Variants in ANO2 observed in about 807,000 individuals in gnomAD.
ANO2 encodes anoctamin 2.
In ANO2, 101 loss-of-function variants were observed where a neutral mutation model predicts 124.2. The ratio of observed to expected loss-of-function variants is 0.81; its 90% CI spans 0.69 to 0.96. ANO2 has a LOEUF of 0.96. Among genes scored for constraint, ANO2 ranks in the 40% least tolerant of loss-of-function variants. The pLI, the probability that ANO2 is intolerant of heterozygous loss-of-function variation, is 0.00. For synonymous variants in ANO2, 486 were observed against 482.5 expected, an observed-to-expected ratio of 1.01 and a Z score of -0.09; for missense variants, 1,293 against 1,274.5, an observed-to-expected ratio of 1.01 and a Z score of -0.22.
In ANO2 at chr12:5,906,363, AGAAAAAG is replaced by A. The variant is rs971290627; in HGVS notation, c.534+14670_534+14676del. Among the ~76,000 whole-genome samples the A allele has an allele frequency of 2.4e-4, 36 of 149,982 alleles. 1 individual carries two copies. Among genetic ancestry groups the A allele is most frequent in the African/African-American group, 8.7e-4 (35 of 40,200 alleles). ...ACACATTGTTAAAAAAAAAAAAAAA[AGAAAAAG>A]AAAAAAAGAGGCCATCCATGGTGAC... On this transcript the variant is annotated intron_variant, in intron 3 of 24. Coordinates refer to ENST00000682330, the MANE Select transcript of ANO2 (RefSeq NM_001364791.2).
rs1955359359 is a variant in ANO2 at position 5,864,225 on chromosome 12, A to G, written c.535-10084T>C. Among the ~76,000 whole-genome samples, 4 of 152,234 alleles carry G rather than the reference A, an allele frequency of 2.6e-5. No individual in the cohort carries two copies. The South Asian group carries it at 8.3e-4, about 32-fold the overall frequency. ...CCAAGTGAGGATGAAGATAAAAGTG[A>G]ACATTTCTCTTGGGAGTTTATGATG... On this transcript the variant is annotated intron_variant, in intron 3 of 24. Transcript: ENST00000682330.
intron 20 of ANO2, 40 bp from the exon 21 acceptor site, chr12:5,578,558 G>A: frequency 2.5e-6 from 4 of 1,592,266 alleles, no homozygotes; most frequent in Non-Finnish European, 2.6e-6. Context: ...GCAGGAACAA[G>A]CAGGACTCAG....
intron 19 of ANO2, among the ~76,000 whole-genome samples, chr12:5,608,521 C>T (rs1373611117): frequency 6.6e-6 from 1 of 151,810 alleles, no homozygotes; most frequent in African/African-American, 2.4e-5. Flanking sequence ...TTTGCTCATT[C>T]GAGAGAAATT....
intron 15 of ANO2, among the ~76,000 whole-genome samples, chr12:5,643,116 C>G (rs2136950271): frequency 6.6e-6 from 1 of 151,962 alleles, no homozygotes; most frequent in South Asian, 2.1e-4. Flanking sequence ...CAATATAGCC[C>G]AGACCAGCAC....
At chr12:5,889,912 C>A (rs773854470) in intron 3 of ANO2, among the ~76,000 whole-genome samples, 2 of 152,242 alleles carry the variant, frequency 1.3e-5, no homozygotes, top group Admixed American at 6.5e-5. Context: ...AAGGCAGGCC[C>A]TTAAGGCTAA....
intron 14 of ANO2, among the ~76,000 whole-genome samples, chr12:5,708,201 CCTT>C (rs1949687396): frequency 1.3e-5 from 2 of 152,316 alleles, no homozygotes; most frequent in Middle Eastern, 3.4e-3. Context: ...ATCTACACCT[CCTT>C]CTTATCCTAG....
rs562817904 is a variant in ANO2 at position 5,824,448 on chromosome 12, T to C, written c.892+3321A>G. ...TAGGGCAGGGGCAAAATGCTACCAG[T>C]CTCTTTGCTAAAACATAACAAGAGT... is the stretch of plus-strand genomic sequence containing the variant. On this transcript the variant is annotated intron_variant, in intron 7 of 24. Coordinates refer to ENST00000682330, the MANE Select transcript of ANO2 (RefSeq NM_001364791.2). Among the ~76,000 whole-genome samples, 246 of 152,284 alleles carry C rather than the reference T, an allele frequency of 1.6e-3. 1 individual carries two copies. Among genetic ancestry groups the C allele is most frequent in the African/African-American group, 5.8e-3 (240 of 41,552 alleles).
At chr12:5,728,526 A>G (rs1010074736) in intron 14 of ANO2, among the ~76,000 whole-genome samples, 2 of 152,228 alleles carry the variant, frequency 1.3e-5, no homozygotes, top group Admixed American at 6.5e-5. Flanking sequence ...GATATACCAC[A>G]TTCATAGAAG....
rs1223531295 is a variant in ANO2 at position 5,769,516 on chromosome 12, C to A, written c.1056-18546G>T. On this transcript the variant is annotated intron_variant, in intron 10 of 24. Coordinates refer to ENST00000682330, the MANE Select transcript of ANO2 (RefSeq NM_001364791.2). This position sits in a 1 kb window ranked among gnomAD's most constrained non-coding sequence, Gnocchi z 4.0. The stretch of plus-strand genomic sequence containing the variant: ...GGAAAGTAAATTACAGCAAGAAAAA[C>A]AAAGCAGGCAGAAACCGAGTCACAG... Among the ~76,000 whole-genome samples the A allele has an allele frequency of 6.6e-6, 1 of 152,158 alleles. No individual in the cohort carries two copies. The highest frequency in any genetic ancestry group is 1.5e-5 in the Non-Finnish European group (1 of 68,034).
chr12:5,832,311 A>G, intron 5 of ANO2, 141 bp downstream of exon 5: 1 of 952,960 alleles, frequency 1.0e-6, no homozygotes, highest in Admixed American at 2.5e-5. Context: ...GGACAATGTC[A>G]CCATGAGAGC....
At chr12:5,912,850 C>T (rs775873738) in intron 3 of ANO2, among the ~76,000 whole-genome samples, 6 of 152,188 alleles carry the variant, frequency 3.9e-5, no homozygotes, top group South Asian at 2.1e-4. Context: ...TGAGCAGCAG[C>T]GGCACGACTG....
At chr12:5,830,279 G>A (rs1001799633) in intron 6 of ANO2, among the ~76,000 whole-genome samples, 156 bp downstream of exon 6, 1 of 151,990 alleles carries the variant, frequency 6.6e-6, no homozygotes, top group African/African-American at 2.4e-5. Context: ...TTTCTTTTGG[G>A]GAATGGGGAA....
intron 14 of ANO2, among the ~76,000 whole-genome samples, chr12:5,710,633 C>T (rs1038465704): frequency 6.6e-6 from 1 of 152,070 alleles, no homozygotes; most frequent in African/African-American, 2.4e-5. Flanking sequence ...CTTCAAAGGA[C>T]GGCTTTATTT....
chr12:5,743,515 T>C (rs576458566), intron 12 of ANO2, among the ~76,000 whole-genome samples: 1 of 151,780 alleles, frequency 6.6e-6, no homozygotes, highest in East Asian at 1.9e-4. Flanking sequence ...GTGTTTACAG[T>C]CAGCTACCTA....
intron 14 of ANO2, among the ~76,000 whole-genome samples, chr12:5,666,205 C>T (rs1156500083): frequency 6.6e-6 from 1 of 152,162 alleles, no homozygotes; most frequent in African/African-American, 2.4e-5. Context: ...ACCTACCTCA[C>T]TGAAAAGAGT....
intron 3 of ANO2, among the ~76,000 whole-genome samples, chr12:5,869,736 C>T (rs957024444): frequency 9.9e-5 from 15 of 152,106 alleles, no homozygotes; most frequent in Admixed American, 5.2e-4. Context: ...CCTCATGTGA[C>T]GGGGACTGTC....
intron 3 of ANO2, among the ~76,000 whole-genome samples, chr12:5,898,568 A>G (rs1194756834): frequency 6.6e-6 from 1 of 152,242 alleles, no homozygotes; most frequent in Admixed American, 6.5e-5. Flanking sequence ...ATAAACCACT[A>G]CTACACACAA....
At chr12:5,888,162 G>C (rs1020276935) in intron 3 of ANO2, among the ~76,000 whole-genome samples, 16 of 151,968 alleles carry the variant, frequency 1.1e-4, no homozygotes, top group Admixed American at 6.6e-5. Flanking sequence ...GGTCTCGCTG[G>C]ATCAGGAGTG....
chr12:5,604,282 T>G (rs1245233802), intron 19 of ANO2, among the ~76,000 whole-genome samples: 1 of 149,264 alleles, frequency 6.7e-6, no homozygotes, highest in African/African-American at 2.5e-5. Context: ...TTGATGAGGA[T>G]GAGGAGGAGG....
Sources: gnomAD v4.1 joint callset for allele counts (sites outside exome capture counted in the v4.1 genomes callset) on GRCh38, gnomAD v4.1.1 for gene constraint, Gnocchi (gnomAD v3.1) non-coding constraint, MANE v1.5 for transcripts, NCBI Gene and HGNC (gene_info 2026-07-23, HGNC 2026-07-21) for gene names.